Variants in DLGAP1 observed in about 807,000 individuals in gnomAD.
DLGAP1 encodes DLG associated protein 1.
DLGAP1 carries 11 observed loss-of-function variants against 90.8 expected under a neutral mutation model. The observed-to-expected ratio is 0.12, with a 90% CI of 0.08 to 0.20. The LOEUF (loss-of-function observed/expected upper bound fraction) is 0.20. Ranked by LOEUF, DLGAP1 falls within the 10% of genes least tolerant of loss-of-function variation. DLGAP1 has a pLI of 1.00. For missense variants in DLGAP1, 1,050 were observed against 1,333.8 expected (o/e 0.79, Z 3.31); for synonymous variants, 558 against 540.7 (o/e 1.03, Z -0.44).
At chr18:3,501,730 A>G (rs2049943574) in intron 12 of DLGAP1, among the ~76,000 whole-genome samples, 1 of 152,234 alleles carries the variant, frequency 6.6e-6, no homozygotes, top group African/African-American at 2.4e-5. Flanking sequence ...CTGAGGCCAT[A>G]GGAAAGCAAA....
chr18:3,557,944 G>A lies in DLGAP1; in HGVS notation c.2057+9546C>T, dbSNP rs1271789079. ...CTTCGTCTCACAAAAAAAAAAAAAT[G>A]GTTAAGATCTGTTTTATGACCCAGA... On this transcript the variant is annotated intron_variant, in intron 9 of 12. Coordinates refer to ENST00000315677, the MANE Select transcript of DLGAP1 (RefSeq NM_004746.4). Among the ~76,000 whole-genome samples, 3 of 151,914 alleles carry A rather than the reference G, an allele frequency of 2.0e-5. No homozygotes were observed. The East Asian group carries it at 5.8e-4, about 29-fold the overall frequency.
rs556119847 is a variant in DLGAP1, at chr18:3,977,984, A to G, written c.-73+27132T>C. On this transcript the variant is annotated intron_variant, in intron 3 of 12. Transcript: ENST00000315677. ...ATTCAGCTCCAGGATGACTTTGCCT[A>G]CAGCCTTGGTAGCACCAGTAGATGC... 33 of 364,372 alleles carry G rather than the reference A, an allele frequency of 9.1e-5. No individual in the cohort carries two copies. The East Asian group carries it at 2.6e-3, about 28-fold the overall frequency. 22.6% of individuals were successfully genotyped at this position (364,372 alleles called of 1,614,324 possible).
At chr18:3,734,784 T>C (rs546536040) in intron 6 of DLGAP1, among the ~76,000 whole-genome samples, 9 of 152,346 alleles carry the variant, frequency 5.9e-5, no homozygotes, top group African/African-American at 2.2e-4. Flanking sequence ...CTTACTAATT[T>C]GTAGAAATAC....
intron 7 of DLGAP1, among the ~76,000 whole-genome samples, chr18:3,723,325 T>C (rs1275051696): frequency 6.6e-6 from 1 of 152,206 alleles, no homozygotes; most frequent in Non-Finnish European, 1.5e-5. Context: ...CTGGATGATG[T>C]AGAAGTTTGT....
chr18:4,229,778 A>AG (rs1206659580), intron 1 of DLGAP1, among the ~76,000 whole-genome samples: 3 of 152,124 alleles, frequency 2.0e-5, no homozygotes, highest in Non-Finnish European at 4.4e-5. Flanking sequence ...AGGCAACCAA[A>AG]GCCAAAGTGG....
intron 4 of DLGAP1, among the ~76,000 whole-genome samples, chr18:3,855,593 ATT>A (rs1246548405): frequency 6.6e-6 from 1 of 152,146 alleles, no homozygotes; most frequent in Non-Finnish European, 1.5e-5. Flanking sequence ...AGGGAGGTAG[ATT>A]TTAAAAAATT....
intron 5 of DLGAP1, among the ~76,000 whole-genome samples, chr18:3,802,716 T>C (rs2066367759): frequency 6.6e-6 from 1 of 151,904 alleles, no homozygotes; most frequent in Admixed American, 6.5e-5. Flanking sequence ...TTGGCGGCAC[T>C]GAATCGTATA....
chr18:4,128,745 T>A (rs986933828), intron 2 of DLGAP1, among the ~76,000 whole-genome samples: 1 of 152,084 alleles, frequency 6.6e-6, no homozygotes, highest in Non-Finnish European at 1.5e-5. Context: ...GGACCACATT[T>A]ACCAATGGAG....
chr18:4,195,883 G>A (rs1261226585), intron 1 of DLGAP1, among the ~76,000 whole-genome samples: 1 of 152,040 alleles, frequency 6.6e-6, no homozygotes, highest in Non-Finnish European at 1.5e-5. Context: ...ACCCTATTCT[G>A]CACAACAGAG....
At chr18:3,772,597 T>G (rs927640744) in intron 5 of DLGAP1, among the ~76,000 whole-genome samples, 5 of 151,416 alleles carry the variant, frequency 3.3e-5, no homozygotes, top group African/African-American at 1.2e-4. Context: ...CTTTGTGAAT[T>G]TTACATTCAT....
chr18:3,837,780 A>C lies in DLGAP1; in HGVS notation c.958-23507T>G, dbSNP rs552458227. ...GGCACGAGAATTGCTTGAACCTGGG[A>C]GACGGAGGTTGCAGTGAGCCAAGAT... On this transcript the variant is annotated intron_variant, in intron 4 of 12. Coordinates refer to ENST00000315677, the MANE Select transcript of DLGAP1 (RefSeq NM_004746.4). 9.1e-5 allele frequency among the ~76,000 whole-genome samples: 12 copies of C among 131,534 alleles called. No homozygotes were observed. In the South Asian group the frequency reaches 3.2e-3, roughly 35 times the overall value. 86.3% of individuals were successfully genotyped at this position (131,534 alleles called of 152,430 possible). A position where few individuals can be genotyped will look rare whatever the true frequency, so the allele number is the denominator to read the frequency against.
chr18:3,867,269 A>G (rs1470029110), intron 4 of DLGAP1, among the ~76,000 whole-genome samples: 1 of 152,126 alleles, frequency 6.6e-6, no homozygotes, highest in African/African-American at 2.4e-5. Flanking sequence ...TCTCTCCACA[A>G]CTGAGGGCCA....
intron 7 of DLGAP1, chr18:3,607,824 A>G (rs2057394282): frequency 6.6e-6 from 1 of 152,196 alleles, no homozygotes; most frequent in Non-Finnish European, 1.5e-5. Flanking sequence ...GGGGTGGCTA[A>G]GCCCCTCCCT....
chr18:4,090,966 C>G (rs925017315), intron 2 of DLGAP1, among the ~76,000 whole-genome samples: 2 of 152,150 alleles, frequency 1.3e-5, no homozygotes, highest in African/African-American at 4.8e-5. Flanking sequence ...GCTGGGAGTC[C>G]TTATCCTCAG....
At chr18:3,947,153 T>C (rs147333415) in intron 3 of DLGAP1, among the ~76,000 whole-genome samples, 1 of 152,282 alleles carries the variant, frequency 6.6e-6, no homozygotes, top group Non-Finnish European at 1.5e-5. Context: ...CTACACACAT[T>C]GGGTTGGGTA....
chr18:4,448,440 C>G (rs1457352274), intron 1 of DLGAP1, among the ~76,000 whole-genome samples: 1 of 152,098 alleles, frequency 6.6e-6, no homozygotes, highest in East Asian at 1.9e-4. Context: ...ACCAAAATAC[C>G]TGACATCTAT....
At chr18:3,896,103 T>C (rs1039766193) in intron 3 of DLGAP1, 1 of 152,240 alleles carries the variant, frequency 6.6e-6, no homozygotes, top group East Asian at 1.9e-4. Flanking sequence ...GAAAACTTGA[T>C]ATATGCTCCT....
intron 3 of DLGAP1, among the ~76,000 whole-genome samples, chr18:3,932,581 A>AG (rs2072543961): frequency 6.6e-6 from 1 of 152,128 alleles, no homozygotes. Context: ...GACAATGGGG[A>AG]GAAAGTATGA....
rs368963879 is a variant in DLGAP1, at chr18:4,370,494, A to G, written c.-267+84512T>C. Among the ~76,000 whole-genome samples, 25 of 152,332 alleles carry G rather than the reference A, an allele frequency of 1.6e-4. No homozygotes were observed. The East Asian group carries it at 2.5e-3, about 15-fold the overall frequency. On this transcript the variant is annotated intron_variant, in intron 1 of 12. Coordinates refer to ENST00000315677, the MANE Select transcript of DLGAP1 (RefSeq NM_004746.4). ...CATTGTTAAACTGGGATCACTTCTC[A>G]TCGACTTTTCCCCTAGTCCTCAGTC... is the stretch of plus-strand genomic sequence containing the variant.
Sources: allele counts gnomAD v4.1 joint callset (sites outside exome capture counted in the v4.1 genomes callset), GRCh38; gene constraint gnomAD v4.1.1; transcripts MANE v1.5; gene names NCBI Gene and HGNC (gene_info 2026-07-23, HGNC 2026-07-21).